The following TNIP1 variants were observed in gnomAD, a reference collection of about 807,000 sequenced individuals.
TNIP1 encodes TNFAIP3 interacting protein 1.
Under a neutral mutation model 86.6 loss-of-function variants are expected in TNIP1, and 22 were observed. That is an observed-to-expected ratio of 0.25 (90% CI 0.18 to 0.36). TNIP1 has a LOEUF of 0.36. Ranked by LOEUF, TNIP1 falls within the 10% of genes least tolerant of loss-of-function variation. The pLI is 1.00. For missense variants in TNIP1, 709 were observed against 820.6 expected, an observed-to-expected ratio of 0.86 and a Z score of 1.66; for synonymous variants, 294 against 313.0, an observed-to-expected ratio of 0.94 and a Z score of 0.64.
chr5:151,045,375 C>T (rs1581777238), intron 9 of TNIP1, among the ~76,000 whole-genome samples: 2 of 152,028 alleles, frequency 1.3e-5, no homozygotes, highest in African/African-American at 4.8e-5. Context: ...CAGGCATGAG[C>T]CACCGCACCC....
intron 1 of TNIP1, among the ~76,000 whole-genome samples, chr5:151,071,082 T>C (rs114584719): frequency 0.025 from 3,788 of 152,224 alleles, 174 homozygotes; most frequent in African/African-American, 0.087. Flanking sequence ...TCAATTTTGC[T>C]GTGAACCTAA....
chr5:151,035,041 C>T lies in TNIP1; in HGVS notation c.1548G>A (p.Lys516=). 1 of 1,614,104 alleles carries T rather than the reference C, an allele frequency of 6.2e-7. No homozygotes were observed. The highest frequency in any genetic ancestry group is 8.5e-7 in the Non-Finnish European group (1 of 1,180,000). ...AQLKAFKDEE[K]AREALRQQKR... is the part of the protein sequence containing the mutation. Reference sequence around the variant, plus strand: ...TCTGCTGTCTGAGGGCTTCTCTTGCCTTCTCCTCATCTTTGAATGCTTTTA... The same window carrying T: ...TCTGCTGTCTGAGGGCTTCTCTTGCTTTCTCCTCATCTTTGAATGCTTTTA... The change falls in exon 15 of 18, where the codon AAG becomes AAA. Residue 516 remains lysine, a synonymous_variant. Coordinates refer to ENST00000521591, the MANE Select transcript of TNIP1 (RefSeq NM_006058.5).
intron 9 of TNIP1, 52 bp downstream of exon 9, chr5:151,045,809 G>T: frequency 5.7e-6 from 9 of 1,579,866 alleles, no homozygotes. Context: ...TTGTGCTGCT[G>T]GTCCCGGGAG....
At chr5:151,038,048 C>T (rs1757937862) in intron 12 of TNIP1, among the ~76,000 whole-genome samples, 1 of 152,228 alleles carries the variant, frequency 6.6e-6, no homozygotes, top group Admixed American at 6.5e-5. Flanking sequence ...CCTCCAAGGT[C>T]ATCTTTATGA....
chr5:151,036,666 G>C (rs1757743774), intron 13 of TNIP1, 124 bp downstream of exon 13: 1 of 1,462,482 alleles, frequency 6.8e-7, no homozygotes, highest in African/African-American at 1.4e-5. Flanking sequence ...GGGGGGCCCT[G>C]GCCAATGGCC....
In TNIP1 at chr5:151,030,211, G is replaced by A. The variant is rs1756726983; in HGVS notation, c.*502C>T. 4 of 449,584 alleles carry A rather than the reference G, an allele frequency of 8.9e-6. No homozygotes were observed. In the Admixed American group the frequency reaches 9.4e-5, roughly 11 times the overall value. The allele number at this position is 449,584 out of a possible 1,614,324, so 27.8% of individuals were successfully genotyped here. On this transcript the variant is annotated 3_prime_UTR_variant, in exon 18 of 18. Coordinates refer to ENST00000521591, the MANE Select transcript of TNIP1 (RefSeq NM_006058.5). ...GCCAGAATATCCATCATTCTCTTCT[G>A]TTCTGGAGACAAACCCACACTTCCC...
chr5:151,079,107 A>G (rs1386915960), intron 1 of TNIP1, among the ~76,000 whole-genome samples: 1 of 152,208 alleles, frequency 6.6e-6, no homozygotes, highest in Non-Finnish European at 1.5e-5. Context: ...ATAAGCGTGT[A>G]GAACACTGCA....
At chr5:151,079,522 G>A (rs1763763152) in intron 1 of TNIP1, among the ~76,000 whole-genome samples, 1 of 152,088 alleles carries the variant, frequency 6.6e-6, no homozygotes, top group Non-Finnish European at 1.5e-5. Context: ...TACTCGGGAG[G>A]CTGAGGTAGG....
At chr5:151,067,220 A>C (rs1487735985) in intron 1 of TNIP1, among the ~76,000 whole-genome samples, 1 of 152,224 alleles carries the variant, frequency 6.6e-6, no homozygotes. Flanking sequence ...ACTAAGAAAC[A>C]GTGTGGGGGC....
chr5:151,072,849 C>T (rs1253169365), intron 1 of TNIP1, among the ~76,000 whole-genome samples: 1 of 152,224 alleles, frequency 6.6e-6, no homozygotes, highest in African/African-American at 2.4e-5. Flanking sequence ...GCTGAGTCAC[C>T]TACTGAAGAA....
chr5:151,057,892 C>A (rs149275698), intron 5 of TNIP1, among the ~76,000 whole-genome samples: 3 of 152,132 alleles, frequency 2.0e-5, no homozygotes, highest in African/African-American at 7.2e-5. Flanking sequence ...GGAACTACTA[C>A]GCCATTTTAC....
chr5:151,037,989 C>G (rs1462070849), intron 12 of TNIP1, among the ~76,000 whole-genome samples: 1 of 152,162 alleles, frequency 6.6e-6, no homozygotes, highest in African/African-American at 2.4e-5. Context: ...GGCCACATGC[C>G]CTGCATTACT....
At chr5:151,048,237 G>T (rs1445109603) in intron 8 of TNIP1, among the ~76,000 whole-genome samples, 3 of 152,196 alleles carry the variant, frequency 2.0e-5, no homozygotes, top group African/African-American at 2.4e-5. Flanking sequence ...CTGAACCTCC[G>T]CGAGGGAGAG....
chr5:151,071,211 G>A (rs561820688), intron 1 of TNIP1, among the ~76,000 whole-genome samples: 6 of 152,298 alleles, frequency 3.9e-5, no homozygotes, highest in Non-Finnish European at 7.3e-5. Flanking sequence ...GAGACAGTGT[G>A]TATTCAAGGA....
rs559602910 is a variant in TNIP1 at position 151,030,593 on chromosome 5, C to T, written c.*120G>A. ...ACTGGTGTACAAGCTGGCCACCCAT[C>T]TCAGCCTCTCATCCAGCTGAGGCTC... On this transcript the variant is annotated 3_prime_UTR_variant, in exon 18 of 18. Transcript: ENST00000521591. 2 of 1,538,796 alleles carry T rather than the reference C, an allele frequency of 1.3e-6. No homozygotes were observed. Among genetic ancestry groups the T allele is most frequent in the South Asian group, 1.2e-5 (1 of 85,720 alleles).
intron 6 of TNIP1, among the ~76,000 whole-genome samples, chr5:151,053,121 T>C (rs1760182679): frequency 6.8e-6 from 1 of 147,442 alleles, no homozygotes; most frequent in Middle Eastern, 3.4e-3. Context: ...TTTTTTTTTT[T>C]TTTTTTAAGA....
Position 151,056,801 on chromosome 5 carries a change from C to T in TNIP1, c.592G>A (p.Val198Met). ...ALEFNRLASK[V>M]HKNEQRTSIL... ...GAGGTGCGCTGCTCATTCTTGTGCA[C>T]CTTGGATGCCAGTCGGTTGAACTCC... Residue 198 changes from valine (V) to methionine (M), a missense_variant, in exon 6 of 18, where the codon GTG (valine) becomes ATG (methionine). Physicochemically the swap from Val to Met is conservative, Grantham distance 21. Transcript: ENST00000521591. 6.4e-7 allele frequency: 1 copy of T among 1,572,648 alleles called. No homozygotes were observed. The highest frequency in any genetic ancestry group is 8.6e-7 in the Non-Finnish European group (1 of 1,158,934).
At position 151,042,387 on chromosome 5, in the gene TNIP1, C is replaced by A. The variant is rs377612293; in HGVS notation, c.1134+153G>T. On this transcript the variant is annotated intron_variant, in intron 11 of 17. Coordinates refer to ENST00000521591, the MANE Select transcript of TNIP1 (RefSeq NM_006058.5). ...AATTTTCAGATGGGAAACTGCAGTG[C>A]AGGGAAGGAACGTGCCTGTGTTTTT... Among the ~76,000 whole-genome samples, 16 of 152,300 alleles carry A rather than the reference C, an allele frequency of 1.1e-4. No homozygotes were observed. In the East Asian group the frequency reaches 3.1e-3, roughly 29 times the overall value.
chr5:151,050,226 C>G (rs567803705), intron 7 of TNIP1, among the ~76,000 whole-genome samples: 39 of 152,352 alleles, frequency 2.6e-4, no homozygotes, highest in Middle Eastern at 3.4e-3. Flanking sequence ...TTAAATAACC[C>G]TGGATCACAT....
Sources: gnomAD v4.1 joint callset for allele counts (sites outside exome capture counted in the v4.1 genomes callset) on GRCh38, gnomAD v4.1.1 for gene constraint, MANE v1.5 for transcripts, NCBI Gene and HGNC (gene_info 2026-07-23, HGNC 2026-07-21) for gene names.